The following SCMH1 variants were observed in gnomAD, a reference collection of about 807,000 sequenced individuals.
The protein encoded by SCMH1 is polycomb protein SCMH1.
SCMH1 carries 37 observed loss-of-function variants against 70.8 expected under a neutral mutation model. The observed-to-expected ratio is 0.52, with a 90% CI of 0.40 to 0.69. The LOEUF is 0.69. Among genes scored for constraint, SCMH1 ranks in the 30% least tolerant of loss-of-function variants. The pLI is 0.00. For synonymous variants in SCMH1, 292 were observed against 307.4 expected (o/e 0.95, Z 0.52); for missense variants, 607 against 827.3 (o/e 0.73, Z 3.27).
intron 2 of SCMH1, among the ~76,000 whole-genome samples, chr1:41,167,932 T>C (rs1646521713): frequency 6.6e-6 from 1 of 150,906 alleles, no homozygotes; most frequent in Non-Finnish European, 1.5e-5. Context: ...TTTTTTTCCT[T>C]TCAGGGTTTT....
chr1:41,239,997 C>A (rs545708905), intron 1 of SCMH1, among the ~76,000 whole-genome samples: 58 of 152,282 alleles, frequency 3.8e-4, no homozygotes, highest in African/African-American at 1.3e-3. Context: ...GTATCCTCTA[C>A]CTTTCACTCC....
chr1:41,086,423 C>T (rs1050495711), intron 8 of SCMH1, among the ~76,000 whole-genome samples: 1 of 152,118 alleles, frequency 6.6e-6, no homozygotes, highest in Non-Finnish European at 1.5e-5. Context: ...GAAAGACACA[C>T]AAGTAGACTT....
chr1:41,141,472 A>C (rs1276998795), intron 6 of SCMH1, among the ~76,000 whole-genome samples: 2 of 152,178 alleles, frequency 1.3e-5, no homozygotes, highest in Non-Finnish European at 2.9e-5. Flanking sequence ...TTATAAAACA[A>C]GAGACAACCA....
intron 7 of SCMH1, among the ~76,000 whole-genome samples, chr1:41,115,403 T>C (rs1670222208): frequency 6.6e-6 from 1 of 152,234 alleles, no homozygotes. Context: ...TGAACTGTAC[T>C]TTATGATAAT....
At chr1:41,049,010 CT>C in intron 10 of SCMH1, 120 bp from the exon 11 acceptor site, 2 of 917,092 alleles carry the variant, frequency 2.2e-6, no homozygotes, top group Non-Finnish European at 3.3e-6. Context: ...TTCCTAGCAG[CT>C]GAGCTGGTGA....
At chr1:41,051,928 C>T (rs1648323649) in intron 10 of SCMH1, among the ~76,000 whole-genome samples, 1 of 152,210 alleles carries the variant, frequency 6.6e-6, no homozygotes. Flanking sequence ...TCACTCACCA[C>T]TCATTCACCA....
intron 10 of SCMH1, among the ~76,000 whole-genome samples, chr1:41,057,175 T>A (rs979358489): frequency 6.6e-6 from 1 of 152,166 alleles, no homozygotes; most frequent in African/African-American, 2.4e-5. Context: ...ATTGAAAGAC[T>A]GAGATTTAGT....
At chr1:41,187,646 T>C (rs1388197923) in intron 1 of SCMH1, among the ~76,000 whole-genome samples, 1 of 151,792 alleles carries the variant, frequency 6.6e-6, no homozygotes, top group Non-Finnish European at 1.5e-5. Context: ...GGCTCACACC[T>C]GTAAAGAGGT....
chr1:41,155,507 A>AAAACAAACAACC (rs1645442749), intron 4 of SCMH1, among the ~76,000 whole-genome samples: 1 of 151,968 alleles, frequency 6.6e-6, no homozygotes, highest in African/African-American at 2.4e-5. Context: ...ACATGGAGCA[A>AAAACAAACAACC]AAACAAACAA....
At chr1:41,154,990 T>C (rs1369136122) in intron 4 of SCMH1, among the ~76,000 whole-genome samples, 4 of 152,016 alleles carry the variant, frequency 2.6e-5, no homozygotes, top group Non-Finnish European at 5.9e-5. Flanking sequence ...TGAAAAGAAC[T>C]TGAAGGGAAT....
intron 10 of SCMH1, among the ~76,000 whole-genome samples, chr1:41,050,679 A>C (rs968268695): frequency 5.9e-5 from 9 of 152,206 alleles, no homozygotes; most frequent in African/African-American, 2.2e-4. Context: ...ATAAGAGAGG[A>C]GATGACAATA....
intron 1 of SCMH1, among the ~76,000 whole-genome samples, chr1:41,202,713 A>G (rs192684483): frequency 1.5e-3 from 227 of 152,246 alleles, no homozygotes; most frequent in African/African-American, 5.2e-3. Flanking sequence ...AATAGGAGGT[A>G]GGAGTAATAT....
At chr1:41,189,330 T>C (rs1380890968) in intron 1 of SCMH1, among the ~76,000 whole-genome samples, 1 of 152,142 alleles carries the variant, frequency 6.6e-6, no homozygotes, top group Non-Finnish European at 1.5e-5. Context: ...TTTGTATTTT[T>C]AGTAGAGACA....
At chr1:41,069,195 A>G (rs1655641833) in intron 10 of SCMH1, among the ~76,000 whole-genome samples, 1 of 152,166 alleles carries the variant, frequency 6.6e-6, no homozygotes, top group Admixed American at 6.5e-5. Flanking sequence ...ATAACAAAAC[A>G]CTGAATTTTG....
At chr1:41,144,991 C>T (rs1644423703) in intron 5 of SCMH1, among the ~76,000 whole-genome samples, 1 of 152,070 alleles carries the variant, frequency 6.6e-6, no homozygotes, top group Non-Finnish European at 1.5e-5. Context: ...GATACAAGTC[C>T]TTTACCAGAT....
At chr1:41,109,688 G>C (rs189560272) in intron 8 of SCMH1, among the ~76,000 whole-genome samples, 1 of 152,280 alleles carries the variant, frequency 6.6e-6, no homozygotes, top group Non-Finnish European at 1.5e-5. Flanking sequence ...CTGGTCCTCT[G>C]ACCATCTTCT....
At chr1:41,185,369 T>C (rs1379833036) in intron 2 of SCMH1, among the ~76,000 whole-genome samples, 1 of 152,166 alleles carries the variant, frequency 6.6e-6, no homozygotes, top group African/African-American at 2.4e-5. Flanking sequence ...GTATTCTTTG[T>C]AGAGATGGGG....
At chr1:41,210,511 T>C (rs1656760696) in intron 1 of SCMH1, among the ~76,000 whole-genome samples, 1 of 152,044 alleles carries the variant, frequency 6.6e-6, no homozygotes, top group East Asian at 1.9e-4. Flanking sequence ...AAAACAGATG[T>C]ATAGACCAAT....
intron 8 of SCMH1, among the ~76,000 whole-genome samples, chr1:41,110,249 C>T (rs1477028848): frequency 6.6e-6 from 1 of 152,206 alleles, no homozygotes; most frequent in African/African-American, 2.4e-5. Flanking sequence ...TCCTTGTCCA[C>T]AATTACCACT....
Sources: allele counts gnomAD v4.1 joint callset (sites outside exome capture counted in the v4.1 genomes callset), GRCh38; gene constraint gnomAD v4.1.1; transcripts MANE v1.5; gene names NCBI Gene and HGNC (gene_info 2026-07-23, HGNC 2026-07-21).